ARHGEF10L: variants seen among roughly 807,000 people sequenced by gnomAD.
ARHGEF10L encodes rho guanine nucleotide exchange factor 10-like protein.
A neutral mutation model predicts 141.2 loss-of-function variants in ARHGEF10L; 69 were observed. The ratio of observed to expected loss-of-function variants is 0.49; its 90% CI spans 0.40 to 0.60. ARHGEF10L has a LOEUF of 0.60. Ranked by LOEUF, ARHGEF10L falls within the 20% of genes least tolerant of loss-of-function variation. The pLI is 0.00. For synonymous variants in ARHGEF10L, 711 were observed against 718.5 expected (o/e 0.99, Z 0.17); for missense variants, 1,482 against 1,734.3 (o/e 0.85, Z 2.58).
chr1:17,627,313 C>T lies in ARHGEF10L; in HGVS notation c.1411-17C>T, dbSNP rs1358787367. 1 of 1,610,828 alleles carries T rather than the reference C, an allele frequency of 6.2e-7. No homozygotes were observed. Among genetic ancestry groups the T allele is most frequent in the African/African-American group, 1.3e-5 (1 of 75,018 alleles). On this transcript the variant is annotated splice_polypyrimidine_tract_variant and intron_variant, in intron 14 of 28. Coordinates refer to ENST00000361221, the MANE Select transcript of ARHGEF10L (RefSeq NM_018125.4). The surrounding 1 kb of genome is among the most constrained non-coding windows in gnomAD (Gnocchi z 4.0). ...TGGTCATGGGTGGGCTGCTCAGTCT[C>T]TGCTCTGACCTGGCAGGACATGCTG...
At chr1:17,613,217 T>G (rs771669994) in intron 8 of ARHGEF10L, 43 bp downstream of exon 8, 2 of 1,517,408 alleles carry the variant, frequency 1.3e-6, no homozygotes, top group African/African-American at 2.7e-5. Flanking sequence ...GGGGGCTGTT[T>G]CCAGCTGCAG....
intron 4 of ARHGEF10L, among the ~76,000 whole-genome samples, chr1:17,601,008 C>A (rs1570783632): frequency 6.7e-6 from 1 of 149,902 alleles, no homozygotes; most frequent in East Asian, 2.0e-4. Flanking sequence ...CGAGATCGCA[C>A]CACCGCCCTG....
In ARHGEF10L at chr1:17,634,884, G is replaced by A; in HGVS notation, c.1795G>A (p.Val599Met). 1.9e-6 allele frequency: 3 copies of A among 1,614,106 alleles called. No individual in the cohort carries two copies. Among genetic ancestry groups the A allele is most frequent in the Non-Finnish European group, 2.5e-6 (3 of 1,179,972 alleles). The part of the protein sequence containing the change: ...SLVPLGPKYV[V>M]KWNTALPQVQ... Reference sequence around the variant, plus strand: ...GGTGCCCCTGGGGCCCAAGTATGTGGTGAAGTGGAACACGGCGCTGCCCCA... The same window carrying A: ...GGTGCCCCTGGGGCCCAAGTATGTGATGAAGTGGAACACGGCGCTGCCCCA... The change falls in exon 18 of 29, where the codon GTG becomes ATG. Residue 599 changes from valine to methionine, a missense_variant. Transcript: ENST00000361221.
At chr1:17,608,192 C>A (rs1204158954) in intron 7 of ARHGEF10L, among the ~76,000 whole-genome samples, 1 of 152,198 alleles carries the variant, frequency 6.6e-6, no homozygotes, top group Non-Finnish European at 1.5e-5. Context: ...AGCCCTAAGC[C>A]CGGGATGGGC....
intron 26 of ARHGEF10L, among the ~76,000 whole-genome samples, chr1:17,666,121 G>A (rs2062963286): frequency 6.6e-6 from 1 of 152,204 alleles, no homozygotes; most frequent in Non-Finnish European, 1.5e-5. Context: ...CCATGTGCAT[G>A]ACTAAACCTA....
At chr1:17,534,433 G>A in the ARHGEF10L span, among the ~76,000 whole-genome samples, 5 of 151,734 alleles carry the variant, frequency 3.3e-5, no homozygotes, top group African/African-American at 9.7e-5. Flanking sequence ...GCTAATTTTT[G>A]TATTTTTAGT....
intron 10 of ARHGEF10L, among the ~76,000 whole-genome samples, chr1:17,620,436 G>A (rs974796784): frequency 6.6e-6 from 1 of 152,208 alleles, no homozygotes; most frequent in African/African-American, 2.4e-5. Flanking sequence ...TACGAGGCAC[G>A]GGACAGCCCC....
intron 8 of ARHGEF10L, among the ~76,000 whole-genome samples, chr1:17,614,636 T>C (rs2059712540): frequency 1.3e-5 from 2 of 151,824 alleles, no homozygotes; most frequent in Admixed American, 1.3e-4. Flanking sequence ...GATGAGCGTC[T>C]ATGCCATCCC....
rs575238949 is a variant in ARHGEF10L at position 17,557,371 on chromosome 1, A to G, written c.-44+17421A>G. On this transcript the variant is annotated intron_variant, in intron 1 of 28. Coordinates refer to ENST00000361221, the MANE Select transcript of ARHGEF10L (RefSeq NM_018125.4). ...AAAAAAAAAACAAAAAAAACCAAAAAAAACAAAAAGAAAATGCGTAGGAAC... is the reference window on the plus strand; with the variant it reads ...AAAAAAAAAACAAAAAAAACCAAAAGAAACAAAAAGAAAATGCGTAGGAAC... 2.6e-5 allele frequency among the ~76,000 whole-genome samples: 4 copies of G among 152,184 alleles called. No homozygotes were observed. The East Asian group carries it at 7.7e-4, about 29-fold the overall frequency.
intron 4 of ARHGEF10L, among the ~76,000 whole-genome samples, chr1:17,593,322 T>C (rs6693036): frequency 0.098 from 14,869 of 152,248 alleles, 1,173 homozygotes; most frequent in African/African-American, 0.22. Context: ...GGCAGAATCA[T>C]GGCCCTTCCA....
chr1:17,570,135 G>A (rs974204992), intron 1 of ARHGEF10L, among the ~76,000 whole-genome samples: 1 of 152,258 alleles, frequency 6.6e-6, no homozygotes, highest in Non-Finnish European at 1.5e-5. Context: ...TTTGGCAACT[G>A]TGCCTTGGGT....
At chr1:17,651,376 A>T (rs1170713917) in intron 22 of ARHGEF10L, among the ~76,000 whole-genome samples, 1 of 152,166 alleles carries the variant, frequency 6.6e-6, no homozygotes, top group East Asian at 1.9e-4. Flanking sequence ...GGCAGCGACC[A>T]TGGAGTAGGG....
intron 4 of ARHGEF10L, among the ~76,000 whole-genome samples, chr1:17,597,760 C>T (rs1444116581): frequency 6.6e-6 from 1 of 152,170 alleles, no homozygotes; most frequent in Non-Finnish European, 1.5e-5. Context: ...ATTCCCCAGC[C>T]CAGTACACCA....
intron 15 of ARHGEF10L, among the ~76,000 whole-genome samples, chr1:17,630,943 G>A (rs1394956481): frequency 1.3e-5 from 2 of 151,836 alleles, no homozygotes; most frequent in African/African-American, 4.8e-5. Flanking sequence ...TCTCTGGGGA[G>A]GCTCAGGGTG....
rs2061487472 is a variant in ARHGEF10L, at chr1:17,644,583, C to T, written c.2273-3971C>T. 6.6e-6 allele frequency among the ~76,000 whole-genome samples: 1 copy of T among 152,244 alleles called. No homozygotes were observed. The highest frequency in any genetic ancestry group is 1.5e-5 in the Non-Finnish European group (1 of 68,044). Reference sequence around the variant, plus strand: ...CCTGCTGAGGTCCAGCCCAGCCTGACATCTGTGGCTGTGGCCAGCAGCATC... The same window carrying T: ...CCTGCTGAGGTCCAGCCCAGCCTGATATCTGTGGCTGTGGCCAGCAGCATC... On this transcript the variant is annotated intron_variant, in intron 21 of 28. Transcript: ENST00000361221. This position sits in a 1 kb window ranked among gnomAD's most constrained non-coding sequence, Gnocchi z 4.5.
chr1:17,654,694 G>A lies in ARHGEF10L; in HGVS notation c.2453G>A (p.Ser818Asn), dbSNP rs2062123931. 1 of 1,614,130 alleles carries A rather than the reference G, an allele frequency of 6.2e-7. No individual in the cohort carries two copies. The highest frequency in any genetic ancestry group is 8.5e-7 in the Non-Finnish European group (1 of 1,180,024). ...NCPLLGFSAV[S>N]TSLPQGYLWV... ...CCCCTGCTGGGTTTCTCAGCAGTCA[G>A]CACCTCCCTTCCACAGGGCTACCTC... The change falls in exon 23 of 29, where the codon AGC (serine) becomes AAC (asparagine). Residue 818 changes from serine to asparagine, a missense_variant. Physicochemically the swap from Ser to Asn is conservative, Grantham distance 46 (BLOSUM62 1). This residue lies in a region of ARHGEF10L where 858 missense variants were observed against 966.3 expected (regional missense o/e 0.89). Coordinates refer to ENST00000361221, the MANE Select transcript of ARHGEF10L (RefSeq NM_018125.4). This position sits in a 1 kb window ranked among gnomAD's most constrained non-coding sequence, Gnocchi z 4.3.
At chr1:17,571,079 G>A (rs149296275) in intron 1 of ARHGEF10L, among the ~76,000 whole-genome samples, 4 of 152,278 alleles carry the variant, frequency 2.6e-5, no homozygotes, top group Non-Finnish European at 5.9e-5. Context: ...GGCAGGACAG[G>A]CTGGAGGCAT....
At chr1:17,525,395 C>T in the ARHGEF10L span, among the ~76,000 whole-genome samples, 52 of 152,238 alleles carry the variant, frequency 3.4e-4, no homozygotes, top group Admixed American at 5.9e-4. Context: ...CAGGAGGCTG[C>T]CTCTGCTCCC....
intron 26 of ARHGEF10L, among the ~76,000 whole-genome samples, chr1:17,675,896 G>C (rs1383141135): frequency 6.7e-6 from 1 of 148,740 alleles, no homozygotes; most frequent in African/African-American, 2.5e-5. Flanking sequence ...GCAGGCATGG[G>C]TAAAGGTTTG....
Sources: gnomAD v4.1 joint callset for allele counts (sites outside exome capture counted in the v4.1 genomes callset) on GRCh38, gnomAD v4.1.1 for gene constraint, gnomAD v4.1.1 regional missense constraint, Gnocchi (gnomAD v3.1) non-coding constraint, MANE v1.5 for transcripts, NCBI Gene and HGNC (gene_info 2026-07-23, HGNC 2026-07-21) for gene names.